Variants in CCSER1 observed in about 807,000 individuals in gnomAD.
CCSER1 encodes coiled-coil serine rich protein 1, also known as serine-rich coiled-coil domain-containing protein 1.
A neutral mutation model predicts 82.0 loss-of-function variants in CCSER1; 41 were observed. The observed-to-expected ratio is 0.50, with a 90% CI of 0.39 to 0.65. The LOEUF (loss-of-function observed/expected upper bound fraction) is 0.65. Ranked by LOEUF, CCSER1 falls within the 30% of genes least tolerant of loss-of-function variation. CCSER1 has a pLI of 0.00. For synonymous variants in CCSER1, 414 were observed against 383.9 expected (o/e 1.08, Z -0.92); for missense variants, 1,119 against 1,064.2 (o/e 1.05, Z -0.72).
intron 8 of CCSER1, among the ~76,000 whole-genome samples, chr4:90,875,380 T>G (rs1340080994): frequency 6.6e-6 from 1 of 152,158 alleles, no homozygotes; most frequent in African/African-American, 2.4e-5. Context: ...TGGAGGAACT[T>G]ATTATAAACA....
At chr4:90,465,087 C>T (rs1763443213) in intron 4 of CCSER1, among the ~76,000 whole-genome samples, 2 of 152,050 alleles carry the variant, frequency 1.3e-5, no homozygotes, top group South Asian at 4.2e-4. Context: ...CCTCAGCCTC[C>T]CAAGTAGCCG....
chr4:90,842,864 G>T (rs1472889346), intron 8 of CCSER1, among the ~76,000 whole-genome samples: 1 of 151,550 alleles, frequency 6.6e-6, no homozygotes, highest in Non-Finnish European at 1.5e-5. Flanking sequence ...CATTATTAAT[G>T]GTTCCCTTTC....
intron 3 of CCSER1, among the ~76,000 whole-genome samples, chr4:90,319,229 T>G (rs1344984614): frequency 1.3e-5 from 2 of 152,118 alleles, no homozygotes; most frequent in East Asian, 3.9e-4. Context: ...TGATTAATAT[T>G]AAAACAAATC....
In CCSER1 at chr4:90,659,394, T is replaced by C. The variant is rs77986114; in HGVS notation, c.1932+31162T>C. 1.6e-3 allele frequency among the ~76,000 whole-genome samples: 249 copies of C among 152,214 alleles called. 1 individual carries two copies. Among genetic ancestry groups the C allele is most frequent in the African/African-American group, 5.8e-3 (243 of 41,542 alleles). On this transcript the variant is annotated intron_variant, in intron 6 of 10. Transcript: ENST00000509176. ...AGAAAAAGTGACTTTTCCCTCTTAG[T>C]GGATAAGAATTGTACTTCATAAATT...
At chr4:91,544,273 T>C (rs2110204830) in intron 10 of CCSER1, among the ~76,000 whole-genome samples, 1 of 152,316 alleles carries the variant, frequency 6.6e-6, no homozygotes, top group South Asian at 2.1e-4. Flanking sequence ...CGGAGAAGTT[T>C]GTTACTACCA....
At chr4:90,740,637 C>T (rs1422254278) in intron 7 of CCSER1, among the ~76,000 whole-genome samples, 1 of 152,152 alleles carries the variant, frequency 6.6e-6, no homozygotes, top group Non-Finnish European at 1.5e-5. Context: ...AACTTGTCAA[C>T]ATTAATACAT....
chr4:90,494,754 A>G (rs913788494), intron 5 of CCSER1, among the ~76,000 whole-genome samples: 3 of 152,182 alleles, frequency 2.0e-5, no homozygotes, highest in African/African-American at 4.8e-5. Context: ...ATAAAATTCT[A>G]TTACTAAATC....
chr4:90,954,354 T>C (rs1733214265), intron 9 of CCSER1, among the ~76,000 whole-genome samples: 2 of 152,056 alleles, frequency 1.3e-5, no homozygotes, highest in African/African-American at 4.8e-5. Context: ...TTAACATTTT[T>C]ATTTGTATTG....
intron 1 of CCSER1, among the ~76,000 whole-genome samples, chr4:90,191,223 A>C (rs912029007): frequency 5.9e-5 from 9 of 152,050 alleles, no homozygotes; most frequent in Admixed American, 4.6e-4. Context: ...TGCTTTTAGC[A>C]GAAGAATTGA....
At chr4:90,266,646 A>G (rs1225260231) in intron 1 of CCSER1, among the ~76,000 whole-genome samples, 2 of 152,066 alleles carry the variant, frequency 1.3e-5, no homozygotes, top group Non-Finnish European at 2.9e-5. Flanking sequence ...CACAGGAGAG[A>G]GAATCTGTGC....
intron 10 of CCSER1, among the ~76,000 whole-genome samples, chr4:91,115,737 A>C (rs928633830): frequency 1.3e-5 from 2 of 151,064 alleles, no homozygotes; most frequent in Non-Finnish European, 3.0e-5. Flanking sequence ...TATATAACGA[A>C]AGTTGGAGAA....
chr4:91,214,280 A>T (rs1737064047), intron 10 of CCSER1, among the ~76,000 whole-genome samples: 1 of 152,168 alleles, frequency 6.6e-6, no homozygotes, highest in African/African-American at 2.4e-5. Flanking sequence ...TGCCCACATA[A>T]ATATGTAGGT....
chr4:91,113,667 C>A (rs1174842850), intron 10 of CCSER1, among the ~76,000 whole-genome samples: 1 of 152,110 alleles, frequency 6.6e-6, no homozygotes, highest in Non-Finnish European at 1.5e-5. Context: ...GCTATCTAGG[C>A]ACTCACACAT....
intron 1 of CCSER1, among the ~76,000 whole-genome samples, chr4:90,131,228 G>T (rs1002223842): frequency 2.6e-5 from 4 of 152,066 alleles, no homozygotes. Flanking sequence ...CTCGAACTCC[G>T]GACCTCAGTT....
intron 5 of CCSER1, among the ~76,000 whole-genome samples, chr4:90,473,170 T>A (rs994924407): frequency 4.6e-5 from 7 of 152,194 alleles, no homozygotes; most frequent in Non-Finnish European, 7.3e-5. Flanking sequence ...CTGAAGAGAA[T>A]GAAAGAATAA....
chr4:90,192,484 T>A (rs1735836128), intron 1 of CCSER1, among the ~76,000 whole-genome samples: 1 of 152,056 alleles, frequency 6.6e-6, no homozygotes, highest in African/African-American at 2.4e-5. Context: ...GGTTGAGAAT[T>A]TCAGCTTTGG....
chr4:91,584,886 G>A (rs1560781342), intron 10 of CCSER1, among the ~76,000 whole-genome samples: 1 of 151,350 alleles, frequency 6.6e-6, no homozygotes, highest in Non-Finnish European at 1.5e-5. Flanking sequence ...ACCACTGTTT[G>A]TGACACATGT....
chr4:90,133,582 C>T (rs938215536), intron 1 of CCSER1, among the ~76,000 whole-genome samples: 1 of 152,172 alleles, frequency 6.6e-6, no homozygotes, highest in Non-Finnish European at 1.5e-5. Context: ...AGCTCTACGT[C>T]TTTCAAGCTT....
At chr4:90,150,401 T>C (rs1726606307) in intron 1 of CCSER1, among the ~76,000 whole-genome samples, 1 of 152,130 alleles carries the variant, frequency 6.6e-6, no homozygotes, top group Admixed American at 6.6e-5. Context: ...ACACATTTGG[T>C]GAATTCCTAC....
Sources: gnomAD v4.1 joint callset for allele counts (sites outside exome capture counted in the v4.1 genomes callset) on GRCh38, gnomAD v4.1.1 for gene constraint, MANE v1.5 for transcripts, NCBI Gene and HGNC (gene_info 2026-07-23, HGNC 2026-07-21) for gene names.